Variants in TTC28 observed in about 807,000 individuals in gnomAD.
TTC28 encodes the protein tetratricopeptide repeat domain 28.
A neutral mutation model predicts 198.0 loss-of-function variants in TTC28; 61 were observed. That is an observed-to-expected ratio of 0.31 (90% CI 0.25 to 0.38). The LOEUF is 0.38. TTC28 is among the 10% of genes least tolerant of loss of function. The pLI is 1.00. For synonymous variants in TTC28, 1,171 were observed against 1,297.8 expected (o/e 0.90, Z 2.10); for missense variants, 2,678 against 3,164.0 (o/e 0.85, Z 3.69).
intron 2 of TTC28, among the ~76,000 whole-genome samples, chr22:28,405,828 C>T (rs1044943576): frequency 9.9e-5 from 15 of 152,210 alleles, no homozygotes; most frequent in African/African-American, 3.1e-4. Flanking sequence ...AGTTACCACC[C>T]CCTTTCTAGA....
intron 2 of TTC28, among the ~76,000 whole-genome samples, chr22:28,450,624 T>C (rs1440475277): frequency 1.3e-5 from 2 of 152,220 alleles, no homozygotes; most frequent in African/African-American, 4.8e-5. Context: ...ATTTTTTTCC[T>C]CTTTCATCAT....
chr22:28,407,635 T>C (rs1317807644), intron 2 of TTC28, among the ~76,000 whole-genome samples: 1 of 152,234 alleles, frequency 6.6e-6, no homozygotes, highest in African/African-American at 2.4e-5. Context: ...AGAGCACTAA[T>C]CTTATTTTAT....
Position 27,983,475 on chromosome 22 carries a change from G to T in TTC28, c.6192C>A (p.Asn2064Lys), listed in dbSNP as rs762204557. Residue 2064 changes from asparagine (N) to lysine (K), a missense_variant, in exon 23 of 23, where the codon AAC (asparagine) becomes AAA (lysine). Transcript: ENST00000397906. Reference sequence around the variant, plus strand: ...TTTCTTGGTAGGTCGCCAAGGGCTCGTTACTGATGATAGAAAACCCTTCAT... The same window carrying T: ...TTTCTTGGTAGGTCGCCAAGGGCTCTTTACTGATGATAGAAAACCCTTCAT... ...EEYEGFSIIS[N>K]EPLATYQENR... The T allele has an allele frequency of 5.8e-6, 9 of 1,546,126 alleles. No individual in the cohort carries two copies. The highest frequency in any genetic ancestry group is 2.4e-5 in the East Asian group (1 of 40,876).
At chr22:28,011,902 C>T (rs1336872806) in intron 14 of TTC28, among the ~76,000 whole-genome samples, 2 of 152,134 alleles carry the variant, frequency 1.3e-5, no homozygotes, top group Admixed American at 6.5e-5. Flanking sequence ...GCTCCCCTCC[C>T]GGTCCCCAAA....
intron 5 of TTC28, among the ~76,000 whole-genome samples, chr22:28,222,298 C>G (rs1279988970): frequency 6.6e-6 from 1 of 152,214 alleles, no homozygotes; most frequent in Admixed American, 6.5e-5. Flanking sequence ...CAGAACACAA[C>G]ACCCACATGT....
At chr22:28,032,261 A>G in intron 12 of TTC28, among the ~76,000 whole-genome samples, 2 of 91,092 alleles carry the variant, frequency 2.2e-5, no homozygotes, top group African/African-American at 1.0e-4. Flanking sequence ...ATATATATAT[A>G]TATATAGTGT....
At chr22:28,023,332 G>A (rs966199217) in intron 13 of TTC28, among the ~76,000 whole-genome samples, 8 of 152,246 alleles carry the variant, frequency 5.3e-5, no homozygotes, top group Non-Finnish European at 1.2e-4. Flanking sequence ...GCCAAGCCTG[G>A]AGATGCTCAC....
chr22:28,057,977 G>C (rs959012991), intron 12 of TTC28, among the ~76,000 whole-genome samples: 4 of 152,056 alleles, frequency 2.6e-5, no homozygotes, highest in African/African-American at 9.7e-5. Context: ...GTGCCACACT[G>C]TCTTGATTAC....
At chr22:28,253,772 T>G (rs1390313090) in intron 5 of TTC28, among the ~76,000 whole-genome samples, 1 of 152,112 alleles carries the variant, frequency 6.6e-6, no homozygotes, top group African/African-American at 2.4e-5. Context: ...GTTTCCTATC[T>G]GAGTGACCAG....
At chr22:27,985,623 G>A (rs1398266505) in intron 21 of TTC28, 6 of 336,578 alleles carry the variant, frequency 1.8e-5, no homozygotes, top group Non-Finnish European at 2.9e-5. Flanking sequence ...GTCCCTTCAC[G>A]GAAAGCACTA....
At chr22:28,509,908 A>G (rs2048665369) in intron 2 of TTC28, among the ~76,000 whole-genome samples, 1 of 152,234 alleles carries the variant, frequency 6.6e-6, no homozygotes, top group African/African-American at 2.4e-5. Flanking sequence ...TTCTATGCAC[A>G]TAAACTAGAA....
chr22:28,596,593 A>G (rs916110066), intron 2 of TTC28, among the ~76,000 whole-genome samples: 1 of 152,178 alleles, frequency 6.6e-6, no homozygotes, highest in Non-Finnish European at 1.5e-5. Context: ...TTTATAATTA[A>G]ATGTTCAGAC....
chr22:28,304,167 C>T (rs1391523630), intron 3 of TTC28, among the ~76,000 whole-genome samples: 1 of 152,044 alleles, frequency 6.6e-6, no homozygotes, highest in East Asian at 1.9e-4. Flanking sequence ...CGCCTGTAGT[C>T]CCAGCTACTC....
At position 28,014,365 on chromosome 22, in the gene TTC28, G is replaced by A; in HGVS notation, c.4101C>T (p.Phe1367=). 1 of 1,551,300 alleles carries A rather than the reference G, an allele frequency of 6.4e-7. No individual in the cohort carries two copies. The highest frequency in any genetic ancestry group is 8.7e-7 in the Non-Finnish European group (1 of 1,146,836). ...NRSCQSMTSL[F]SNTVSPTQDG... is the part of the protein sequence containing the mutation. ...CCTGGGTCGGTGACACAGTGTTACT[G>A]AACAGGCTCGTCATGCTCTGGCAGC... is the stretch of plus-strand genomic sequence containing the variant. The change falls in exon 14 of 23, where the codon TTC becomes TTT. Residue 1367 remains phenylalanine, a synonymous_variant. Transcript: ENST00000397906.
chr22:28,169,081 A>T (rs1232743959), intron 5 of TTC28, among the ~76,000 whole-genome samples: 1 of 152,250 alleles, frequency 6.6e-6, no homozygotes, highest in Non-Finnish European at 1.5e-5. Flanking sequence ...AATGCTCATC[A>T]TTACTGGCCA....
chr22:28,342,348 C>T (rs1045190348), intron 2 of TTC28, among the ~76,000 whole-genome samples: 1 of 152,112 alleles, frequency 6.6e-6, no homozygotes, highest in African/African-American at 2.4e-5. Flanking sequence ...ATTTCCACTG[C>T]ATTTAAGATT....
At chr22:28,663,153 T>G (rs2051776646) in intron 1 of TTC28, among the ~76,000 whole-genome samples, 1 of 147,828 alleles carries the variant, frequency 6.8e-6, no homozygotes, top group Admixed American at 6.9e-5. Flanking sequence ...AAGGCTGAGA[T>G]AGGAGAATGG....
intron 2 of TTC28, among the ~76,000 whole-genome samples, chr22:28,467,839 G>A (rs751487742): frequency 5.9e-5 from 9 of 152,104 alleles, no homozygotes; most frequent in Non-Finnish European, 1.3e-4. Context: ...ATGGCTCACT[G>A]CAGCCTCTAC....
intron 1 of TTC28, among the ~76,000 whole-genome samples, chr22:28,671,549 G>T (rs1330401037): frequency 3.3e-5 from 5 of 151,228 alleles, no homozygotes; most frequent in Admixed American, 2.0e-4. Context: ...GCAGGAGAAT[G>T]GCGTGAACCC....
Sources: allele counts gnomAD v4.1 joint callset (sites outside exome capture counted in the v4.1 genomes callset), GRCh38; gene constraint gnomAD v4.1.1; transcripts MANE v1.5; gene names NCBI Gene and HGNC (gene_info 2026-07-23, HGNC 2026-07-21).